The following COL21A1 variants were observed in gnomAD, a reference collection of about 807,000 sequenced individuals.
COL21A1 encodes the protein collagen type XXI alpha 1 chain.
COL21A1 carries 149 observed loss-of-function variants against 137.9 expected under a neutral mutation model. That is an observed-to-expected ratio of 1.08 (90% CI 0.95 to 1.24). The LOEUF (loss-of-function observed/expected upper bound fraction) is 1.24. Ranked by LOEUF, COL21A1 falls within the 50% of genes most tolerant of loss-of-function variation. The probability of loss-of-function intolerance (pLI) is 0.00; values close to 1 mark genes in which losing one functional copy is unlikely to be tolerated. For synonymous variants in COL21A1, 456 were observed against 391.5 expected (o/e 1.16, Z -1.95); for missense variants, 1,167 against 1,158.4 (o/e 1.01, Z -0.11).
Position 56,168,047 on chromosome 6 carries a change from A to G in COL21A1, c.1200+77T>C, listed in dbSNP as rs943199229. The G allele has an allele frequency of 4.2e-5, 42 of 992,862 alleles. No homozygotes were observed. The African/African-American group carries it at 5.4e-4, about 13-fold the overall frequency. 61.5% of individuals were successfully genotyped at this position (992,862 alleles called of 1,614,324 possible). A position where few individuals can be genotyped will look rare whatever the true frequency, so the allele number is the denominator to read the frequency against. On this transcript the variant is annotated intron_variant, in intron 6 of 29. Transcript: ENST00000244728. Reference sequence around the variant, plus strand: ...TCATAAGTATGTTAAATATGATTAAATGTGGTGAAAACTATTACAAAGGAC... The same window carrying G: ...TCATAAGTATGTTAAATATGATTAAGTGTGGTGAAAACTATTACAAAGGAC...
intron 17 of COL21A1, among the ~76,000 whole-genome samples, chr6:56,084,259 C>A (rs9357886): frequency 0.73 from 110,842 of 150,946 alleles, 41,199 homozygotes; most frequent in East Asian, 0.87. Flanking sequence ...GATTAGATTG[C>A]TTTATAGCTA....
chr6:56,269,483 G>A (rs1026379476), intron 1 of COL21A1, among the ~76,000 whole-genome samples: 4 of 151,414 alleles, frequency 2.6e-5, no homozygotes, highest in Admixed American at 6.6e-5. Context: ...GTGAAACCCC[G>A]TCTCTACTAA....
chr6:56,071,740 A>T lies in COL21A1; in HGVS notation c.1966-942T>A, dbSNP rs187298470. ...TAATTTTATAAGTTATTAAACTGAA[A>T]TTCACAGACATGAGATTTGTTGAAA... On this transcript the variant is annotated intron_variant, in intron 20 of 29. Transcript: ENST00000244728. 5.1e-4 allele frequency among the ~76,000 whole-genome samples: 78 copies of T among 151,770 alleles called. 2 individuals are homozygous for T. The South Asian group carries it at 0.016, about 31-fold the overall frequency.
chr6:56,112,933 C>T (rs1771581468), intron 16 of COL21A1, among the ~76,000 whole-genome samples: 1 of 152,144 alleles, frequency 6.6e-6, no homozygotes, highest in African/African-American at 2.4e-5. Flanking sequence ...ATCTGCCCGC[C>T]TTGCCCTCCC....
At chr6:56,189,145 G>A (rs1778496418) in intron 1 of COL21A1, among the ~76,000 whole-genome samples, 1 of 152,118 alleles carries the variant, frequency 6.6e-6, no homozygotes, top group Non-Finnish European at 1.5e-5. Flanking sequence ...GTAGGCTTCA[G>A]AAGGTGGGTA....
intron 1 of COL21A1, among the ~76,000 whole-genome samples, chr6:56,244,578 A>T: frequency 6.6e-6 from 1 of 152,338 alleles, no homozygotes; most frequent in African/African-American, 2.4e-5. Context: ...ACATTAAATT[A>T]TAATTTTTAA....
At position 56,097,814 on chromosome 6, in the gene COL21A1, T is replaced by A. The variant is rs1181199722; in HGVS notation, c.1812+3658A>T. Among the ~76,000 whole-genome samples the A allele has an allele frequency of 1.1e-4, 11 of 95,892 alleles. 1 individual carries two copies. The highest frequency in any genetic ancestry group is 2.1e-4 in the African/African-American group (5 of 23,822). The allele number at this position is 95,892 out of a possible 152,430, so 62.9% of individuals were successfully genotyped here. On this transcript the variant is annotated intron_variant, in intron 17 of 29. Coordinates refer to ENST00000244728, the MANE Select transcript of COL21A1 (RefSeq NM_030820.4). ...ATATATATAAATCTATATAAATATA[T>A]ATAAATACATATAAATATATATAAA...
At chr6:56,140,548 A>T (rs1452166866) in intron 12 of COL21A1, among the ~76,000 whole-genome samples, 1 of 152,204 alleles carries the variant, frequency 6.6e-6, no homozygotes, top group Admixed American at 6.5e-5. Context: ...AGTATCCTGC[A>T]CTGCCACAAG....
intron 1 of COL21A1, among the ~76,000 whole-genome samples, chr6:56,385,602 C>T (rs1219549303): frequency 4.6e-5 from 7 of 151,988 alleles, no homozygotes; most frequent in Admixed American, 4.6e-4. Context: ...CTGTTTAAAG[C>T]ATATAATTCA....
At chr6:56,291,784 C>T (rs1021967148) in intron 1 of COL21A1, among the ~76,000 whole-genome samples, 2 of 152,204 alleles carry the variant, frequency 1.3e-5, no homozygotes, top group Non-Finnish European at 2.9e-5. Flanking sequence ...TAGTCAGTAG[C>T]TTGGCAGCAA....
intron 7 of COL21A1, 81 bp from the exon 8 acceptor site, chr6:56,164,903 C>A (rs1776456322): frequency 1.8e-6 from 2 of 1,089,712 alleles, no homozygotes; most frequent in South Asian, 1.6e-5. Context: ...AGATATTTCA[C>A]CATCCAGATT....
In COL21A1 at chr6:56,384,973, T is replaced by C. The variant is rs1044511999; in HGVS notation, c.-39+8998A>G. On this transcript the variant is annotated intron_variant, in intron 1 of 28. Transcript: ENST00000370819. The stretch of plus-strand genomic sequence containing the variant: ...GGATAGAGACACTTCCGAGATGCTA[T>C]GGAGCACTGAGGAAGGAAACTTAAC... Among the ~76,000 whole-genome samples, 3 of 152,262 alleles carry C rather than the reference T, an allele frequency of 2.0e-5. No homozygotes were observed. In the South Asian group the frequency reaches 6.2e-4, roughly 32 times the overall value.
At chr6:56,332,420 G>A (rs914655014) in intron 1 of COL21A1, among the ~76,000 whole-genome samples, 1 of 151,514 alleles carries the variant, frequency 6.6e-6, no homozygotes, top group African/African-American at 2.4e-5. Context: ...ATATTCAGAA[G>A]TGCGTTCAAA....
intron 1 of COL21A1, among the ~76,000 whole-genome samples, chr6:56,253,636 C>T (rs984973866): frequency 6.6e-6 from 1 of 152,116 alleles, no homozygotes; most frequent in Non-Finnish European, 1.5e-5. Context: ...TGTTTAAGCT[C>T]ATTTGAATTG....
At chr6:56,186,823 G>T (rs1425830396) in intron 1 of COL21A1, among the ~76,000 whole-genome samples, 1 of 152,118 alleles carries the variant, frequency 6.6e-6, no homozygotes, top group Non-Finnish European at 1.5e-5. Flanking sequence ...AGAATTAAAA[G>T]ACTCAATATT....
chr6:56,252,866 C>A (rs1782884643), intron 1 of COL21A1, among the ~76,000 whole-genome samples: 1 of 152,140 alleles, frequency 6.6e-6, no homozygotes, highest in South Asian at 2.1e-4. Flanking sequence ...AAAAGATATA[C>A]CATTTCCCTG....
chr6:56,254,857 T>C (rs568757838), intron 1 of COL21A1, among the ~76,000 whole-genome samples: 1 of 152,198 alleles, frequency 6.6e-6, no homozygotes, highest in African/African-American at 2.4e-5. Context: ...TCCCACAGTA[T>C]GCTGCTTGCT....
At chr6:56,333,494 T>C (rs1309213971) in intron 1 of COL21A1, among the ~76,000 whole-genome samples, 1 of 152,120 alleles carries the variant, frequency 6.6e-6, no homozygotes, top group Non-Finnish European at 1.5e-5. Flanking sequence ...TCTTAGTAGT[T>C]CATAGTATAA....
intron 1 of COL21A1, among the ~76,000 whole-genome samples, chr6:56,355,569 A>C (rs2152347521): frequency 6.6e-6 from 1 of 152,358 alleles, no homozygotes; most frequent in Middle Eastern, 3.4e-3. Context: ...AAAAATCATA[A>C]AAATGTAAAC....
Sources: allele counts gnomAD v4.1 joint callset (sites outside exome capture counted in the v4.1 genomes callset), GRCh38; gene constraint gnomAD v4.1.1; transcripts MANE v1.5; gene names NCBI Gene and HGNC (gene_info 2026-07-23, HGNC 2026-07-21).